Variants in GRIN2D observed in about 807,000 individuals in gnomAD.
GRIN2D encodes glutamate ionotropic receptor NMDA type subunit 2D.
Under a neutral mutation model 103.2 loss-of-function variants are expected in GRIN2D, and 37 were observed. The ratio of observed to expected loss-of-function variants is 0.36; its 90% CI spans 0.28 to 0.47. GRIN2D has a LOEUF of 0.47. Among genes scored for constraint, GRIN2D ranks in the 20% least tolerant of loss-of-function variants. The probability of loss-of-function intolerance (pLI) is 1.00; values close to 1 mark genes in which losing one functional copy is unlikely to be tolerated. For missense variants in GRIN2D, 1,557 were observed against 1,910.6 expected, an observed-to-expected ratio of 0.81 and a Z score of 3.45; for synonymous variants, 845 against 885.6, an observed-to-expected ratio of 0.95 and a Z score of 0.81.
Position 48,443,594 on chromosome 19 carries a change from G to A in GRIN2D, c.3668G>A (p.Arg1223Gln), listed in dbSNP as rs1481925333. The change falls in exon 14 of 14, where the codon CGG (arginine) becomes CAG (glutamine). Residue 1223 changes from arginine to glutamine, a missense_variant. Arg to Gln is a conservative substitution (Grantham distance 43). Coordinates refer to ENST00000263269, the MANE Select transcript of GRIN2D (RefSeq NM_000836.4). The surrounding 1 kb of genome is among the most constrained non-coding windows in gnomAD (Gnocchi z 8.9). ...GCCGCCGGGCCCCTGCCCCGACGCCGGGCCCGCTGCGGGTGCCCGCGGTCG... is the reference window on the plus strand; with the variant it reads ...GCCGCCGGGCCCCTGCCCCGACGCCAGGCCCGCTGCGGGTGCCCGCGGTCG... ...PWAAGPLPRR[R>Q]ARCGCPRSHP... 2 of 1,161,658 alleles carry A rather than the reference G, an allele frequency of 1.7e-6. No individual in the cohort carries two copies. The highest frequency in any genetic ancestry group is 1.1e-6 in the Non-Finnish European group (1 of 944,654). 72.0% of individuals were successfully genotyped at this position (1,161,658 alleles called of 1,614,324 possible). A position where few individuals can be genotyped will look rare whatever the true frequency, so the allele number is the denominator to read the frequency against.
intron 3 of GRIN2D, among the ~76,000 whole-genome samples, chr19:48,401,715 G>A (rs115748726): frequency 3.0e-4 from 45 of 152,306 alleles, no homozygotes; most frequent in African/African-American, 3.6e-4. Flanking sequence ...TCACTGGAAG[G>A]TTTTCAATTG....
At position 48,443,688 on chromosome 19, in the gene GRIN2D, G is replaced by A. The variant is rs1355808603; in HGVS notation, c.3762G>A (p.Arg1254=). 3 of 1,229,578 alleles carry A rather than the reference G, an allele frequency of 2.4e-6. No individual in the cohort carries two copies. In the Admixed American group the frequency reaches 1.3e-4, roughly 53 times the overall value. 76.2% of individuals were successfully genotyped at this position (1,229,578 alleles called of 1,614,324 possible). Residue 1254 remains arginine (R), a synonymous_variant, in exon 14 of 14, where the codon CGG becomes CGA. Coordinates refer to ENST00000263269, the MANE Select transcript of GRIN2D (RefSeq NM_000836.4). The surrounding 1 kb of genome is among the most constrained non-coding windows in gnomAD (Gnocchi z 8.9). ...AAAAPHHHRH[R]RAAGGWDLPP... is the part of the protein sequence containing the mutation. ...CCGCGCCCCACCACCACAGGCACCG[G>A]CGCGCCGCTGGGGGCTGGGACCTCC...
chr19:48,441,645 G>T (rs1971292786), intron 11 of GRIN2D, 124 bp from the exon 12 acceptor site: 4 of 687,846 alleles, frequency 5.8e-6, no homozygotes, highest in South Asian at 5.7e-5. Context: ...GCAATGATTT[G>T]CTCAAGAGCT....
chr19:48,421,846 C>T lies in GRIN2D; in HGVS notation c.2153C>T (p.Thr718Met). The stretch of plus-strand genomic sequence containing the variant: ...TTTGGGACCGTGCCCAACGGCTCCA[C>T]GGAGAAGAACATCCGCAGCAACTAT... ...LKFGTVPNGS[T>M]EKNIRSNYPD... The change falls in exon 11 of 14, where the codon ACG becomes ATG. Residue 718 changes from threonine to methionine, a missense_variant. Thr to Met is a moderately conservative substitution (Grantham distance 81). Transcript: ENST00000263269. This position sits in a 1 kb window ranked among gnomAD's most constrained non-coding sequence, Gnocchi z 4.8. 1 of 1,614,036 alleles carries T rather than the reference C, an allele frequency of 6.2e-7. No homozygotes were observed. The highest frequency in any genetic ancestry group is 2.2e-5 in the East Asian group (1 of 44,882).
chr19:48,432,760 G>A (rs913575005), intron 11 of GRIN2D, among the ~76,000 whole-genome samples: 5 of 151,046 alleles, frequency 3.3e-5, no homozygotes, highest in Admixed American at 3.3e-4. Context: ...TGCCTGGCCA[G>A]AAACTGGACT....
rs1237418652 is a variant in GRIN2D, at chr19:48,398,376, G to A, written c.-17G>A. ...CGGCCCGGGCGCTCAGAGGCCGCCC[G>A]GCGGGGCCCGCAGGCGATGCGCGGC... On this transcript the variant is annotated 5_prime_UTR_variant, in exon 3 of 14. Transcript: ENST00000263269. 7.1e-6 allele frequency: 8 copies of A among 1,119,350 alleles called. No individual in the cohort carries two copies. The highest frequency in any genetic ancestry group is 3.8e-4 in the Middle Eastern group (1 of 2,626). The allele number at this position is 1,119,350 out of a possible 1,614,324, so 69.3% of individuals were successfully genotyped here.
At chr19:48,432,062 C>T (rs1419800727) in intron 11 of GRIN2D, among the ~76,000 whole-genome samples, 1 of 151,414 alleles carries the variant, frequency 6.6e-6, no homozygotes. Flanking sequence ...CAGGTGCCCA[C>T]CACCAAGCCC....
intron 4 of GRIN2D, among the ~76,000 whole-genome samples, chr19:48,407,626 C>T (rs528268901): frequency 1.4e-4 from 22 of 152,288 alleles, no homozygotes; most frequent in Admixed American, 7.9e-4. Flanking sequence ...TTGATTGAAA[C>T]GCCCTTTATT....
intron 7 of GRIN2D, among the ~76,000 whole-genome samples, 200 bp downstream of exon 7, chr19:48,415,232 G>C (rs1158372158): frequency 1.3e-5 from 2 of 152,086 alleles, no homozygotes; most frequent in African/African-American, 2.4e-5. Flanking sequence ...TTAGCCGTGC[G>C]TGGTGGCGGG....
At chr19:48,440,830 G>A (rs898034104) in intron 11 of GRIN2D, among the ~76,000 whole-genome samples, 2 of 152,038 alleles carry the variant, frequency 1.3e-5, no homozygotes, top group Non-Finnish European at 2.9e-5. Context: ...GGGATTACAG[G>A]TGCCTGCCAC....
At chr19:48,419,842 A>AGCTGGG (rs764960050) in intron 10 of GRIN2D, 28 bp downstream of exon 10, 3 of 1,342,268 alleles carry the variant, frequency 2.2e-6, no homozygotes, top group South Asian at 1.2e-5. Context: ...GCTGGGCTGG[A>AGCTGGG]GCTGGGGCTG....
intron 9 of GRIN2D, 109 bp downstream of exon 9, chr19:48,419,468 C>G (rs1970989580): frequency 7.1e-7 from 1 of 1,413,750 alleles, no homozygotes. Flanking sequence ...TAGGGCCTCT[C>G]GGGAGGTGCC....
rs1970781124 is a variant in GRIN2D at position 48,405,479 on chromosome 19, A to G, written c.1085+126A>G. 1 of 1,012,718 alleles carries G rather than the reference A, an allele frequency of 9.9e-7. No individual in the cohort carries two copies. The highest frequency in any genetic ancestry group is 1.4e-6 in the Non-Finnish European group (1 of 731,674). The allele number at this position is 1,012,718 out of a possible 1,614,324, so 62.7% of individuals were successfully genotyped here. A position where few individuals can be genotyped will look rare whatever the true frequency, so the allele number is the denominator to read the frequency against. On this transcript the variant is annotated intron_variant, in intron 4 of 13. Coordinates refer to ENST00000263269, the MANE Select transcript of GRIN2D (RefSeq NM_000836.4). The surrounding 1 kb of genome is among the most constrained non-coding windows in gnomAD (Gnocchi z 5.1). ...TGAGCCTCAGTTTTCTTTTCTGTAA[A>G]GTGGGTGCAATTGGGTCTCTTTTCT...
chr19:48,402,440 G>T (rs1454370176), intron 3 of GRIN2D, among the ~76,000 whole-genome samples: 1 of 152,060 alleles, frequency 6.6e-6, no homozygotes, highest in East Asian at 1.9e-4. Flanking sequence ...ACTCCTGGCC[G>T]GGCGCGGTGG....
rs1312478909 is a variant in GRIN2D, at chr19:48,405,021, G to A, written c.753G>A (p.Glu251=). Residue 251 remains glutamate (E), a synonymous_variant, in exon 4 of 14, where the codon GAG becomes GAA. Coordinates refer to ENST00000263269, the MANE Select transcript of GRIN2D (RefSeq NM_000836.4). This position sits in a 1 kb window ranked among gnomAD's most constrained non-coding sequence, Gnocchi z 5.1. ...TCCGCCTGCTCTTCTGCGCCCGAGA[G>A]GAGGCCGAGCCCGTGTTCCGCGCAG... ...AQIRLLFCAR[E]EAEPVFRAAE... 6.2e-7 allele frequency: 1 copy of A among 1,612,316 alleles called. No individual in the cohort carries two copies. Among genetic ancestry groups the A allele is most frequent in the Non-Finnish European group, 8.5e-7 (1 of 1,179,400 alleles).
chr19:48,407,855 T>A (rs886088350), intron 4 of GRIN2D, among the ~76,000 whole-genome samples: 1 of 152,066 alleles, frequency 6.6e-6, no homozygotes, highest in Non-Finnish European at 1.5e-5. Flanking sequence ...GGTGGGGTGG[T>A]CAGGAAAGGC....
rs1189684176 is a variant in GRIN2D at position 48,442,821 on chromosome 19, C to T, written c.2895C>T (p.Tyr965=). The T allele has an allele frequency of 9.3e-7, 1 of 1,074,094 alleles. No homozygotes were observed. Among genetic ancestry groups the T allele is most frequent in the Non-Finnish European group, 1.1e-6 (1 of 888,386 alleles). 66.5% of individuals were successfully genotyped at this position (1,074,094 alleles called of 1,614,324 possible). A position where few individuals can be genotyped will look rare whatever the true frequency, so the allele number is the denominator to read the frequency against. Residue 965 remains tyrosine (Y), a synonymous_variant, in exon 14 of 14, where the codon TAC becomes TAT. Transcript: ENST00000263269. This position sits in a 1 kb window ranked among gnomAD's most constrained non-coding sequence, Gnocchi z 7.2. ...TGGCCGACGGCTTCCACCGCTACTA[C>T]GGCCCCATCGAGCCGCAGGGCCTAG... The part of the protein sequence containing the change: ...AGLADGFHRY[Y]GPIEPQGLGL...
At chr19:48,432,773 CTTTTTT>C (rs567358434) in intron 11 of GRIN2D, among the ~76,000 whole-genome samples, 1 of 136,414 alleles carries the variant, frequency 7.3e-6, no homozygotes, top group Non-Finnish European at 1.6e-5. Flanking sequence ...ACTGGACTTT[CTTTTTT>C]TTTTTTTTTA....
chr19:48,417,581 C>A (rs535760444), intron 8 of GRIN2D, among the ~76,000 whole-genome samples: 1 of 152,274 alleles, frequency 6.6e-6, no homozygotes, highest in South Asian at 2.1e-4. Context: ...CTGTTTATTT[C>A]GCCCAGTGGT....
Sources: gnomAD v4.1 joint callset for allele counts (sites outside exome capture counted in the v4.1 genomes callset) on GRCh38, gnomAD v4.1.1 for gene constraint, Gnocchi (gnomAD v3.1) non-coding constraint, MANE v1.5 for transcripts, NCBI Gene and HGNC (gene_info 2026-07-23, HGNC 2026-07-21) for gene names.